Variants in GRIK3 observed in about 807,000 individuals in gnomAD.
GRIK3 encodes glutamate ionotropic receptor kainate type subunit 3, also known as glutamate receptor ionotropic, kainate 3.
In GRIK3, 29 loss-of-function variants were observed where a neutral mutation model predicts 102.5. The ratio of observed to expected loss-of-function variants is 0.28; its 90% confidence interval spans 0.21 to 0.39. The LOEUF (loss-of-function observed/expected upper bound fraction) is 0.39. Ranked by LOEUF, GRIK3 falls within the 10% of genes least tolerant of loss-of-function variation. The probability of loss-of-function intolerance (pLI) is 1.00; values close to 1 mark genes in which losing one functional copy is unlikely to be tolerated. For synonymous variants in GRIK3, 511 were observed against 504.9 expected (o/e 1.01, Z -0.16); for missense variants, 908 against 1,252.4 (o/e 0.73, Z 4.15).
In GRIK3 at chr1:36,865,131, A is replaced by G. The variant is rs192687683; in HGVS notation, c.786+4617T>C. 2.8e-3 allele frequency among the ~76,000 whole-genome samples: 433 copies of G among 152,358 alleles called. 3 individuals carry two copies. The highest frequency in any genetic ancestry group is 0.01 in the African/African-American group (418 of 41,582). ...TCCCCATGATATCACTGTTATTGCCAGGAAGTGGCATTAATTGTGATTGCT... is the reference window on the plus strand; with the variant it reads ...TCCCCATGATATCACTGTTATTGCCGGGAAGTGGCATTAATTGTGATTGCT... On this transcript the variant is annotated intron_variant, in intron 5 of 15. Coordinates refer to ENST00000373091, the MANE Select transcript of GRIK3 (RefSeq NM_000831.4).
chr1:37,023,738 T>G (rs1352256208), intron 1 of GRIK3, among the ~76,000 whole-genome samples: 1 of 152,204 alleles, frequency 6.6e-6, no homozygotes, highest in Non-Finnish European at 1.5e-5. Flanking sequence ...GCTTCACTAT[T>G]CAGAACAGTG....
intron 7 of GRIK3, among the ~76,000 whole-genome samples, chr1:36,855,883 A>T (rs901776285): frequency 6.6e-5 from 10 of 152,226 alleles, no homozygotes; most frequent in African/African-American, 2.4e-4. Context: ...GGGCATCAGC[A>T]TTGCCCCCAT....
chr1:37,030,553 C>CA (rs557792873), intron 1 of GRIK3, among the ~76,000 whole-genome samples: 2 of 136,316 alleles, frequency 1.5e-5, no homozygotes, highest in African/African-American at 5.7e-5. Context: ...CCCCCTCCCC[C>CA]CCCCCAACAC....
At chr1:36,923,313 G>T (rs1641493807) in intron 1 of GRIK3, among the ~76,000 whole-genome samples, 1 of 152,214 alleles carries the variant, frequency 6.6e-6, no homozygotes, top group South Asian at 2.1e-4. Flanking sequence ...AGCAGCAGGG[G>T]GTAGAGGGGT....
rs770262585 is a variant in GRIK3, at chr1:36,880,761, C to T, written c.423G>A (p.Pro141=). Residue 141 remains proline, a synonymous_variant, in exon 3 of 16, where the codon CCG becomes CCA. Coordinates refer to ENST00000373091, the MANE Select transcript of GRIK3 (RefSeq NM_000831.4). The surrounding 1 kb of genome is among the most constrained non-coding windows in gnomAD (Gnocchi z 5.4). ...PHIQLRWKHH[P]LDNKDTFYVN... Reference sequence around the variant, plus strand: ...CGTAGAAGGTGTCCTTGTTGTCCAGCGGGTGGTGCTTCCAACGCAGCTGGA... The same window carrying T: ...CGTAGAAGGTGTCCTTGTTGTCCAGTGGGTGGTGCTTCCAACGCAGCTGGA... 37 of 1,614,118 alleles carry T rather than the reference C, an allele frequency of 2.3e-5. 1 individual carries two copies. Among genetic ancestry groups the T allele is most frequent in the Admixed American group, 1.3e-4 (8 of 60,022 alleles).
intron 1 of GRIK3, among the ~76,000 whole-genome samples, chr1:36,996,358 A>G (rs1642419777): frequency 2.6e-5 from 4 of 152,202 alleles, no homozygotes; most frequent in Admixed American, 2.6e-4. Flanking sequence ...AGCTCATTCT[A>G]AGACTCTTAC....
intron 13 of GRIK3, among the ~76,000 whole-genome samples, chr1:36,813,015 G>T (rs1472952490): frequency 2.0e-5 from 3 of 152,220 alleles, no homozygotes; most frequent in Non-Finnish European, 4.4e-5. Context: ...GTGCAGGGCT[G>T]GGTATGTGGT....
chr1:36,807,905 C>A (rs1368178765), intron 13 of GRIK3, among the ~76,000 whole-genome samples: 1 of 152,224 alleles, frequency 6.6e-6, no homozygotes, highest in Non-Finnish European at 1.5e-5. Context: ...CAGATGCCTG[C>A]AGCTCTCACT....
intron 1 of GRIK3, among the ~76,000 whole-genome samples, chr1:36,918,674 C>G (rs1336266649): frequency 1.3e-5 from 2 of 152,140 alleles, no homozygotes; most frequent in African/African-American, 4.8e-5. Context: ...CCAGACAATG[C>G]CAGTTGGTTT....
At chr1:37,003,228 T>C (rs548302850) in intron 1 of GRIK3, among the ~76,000 whole-genome samples, 1 of 152,302 alleles carries the variant, frequency 6.6e-6, no homozygotes, top group South Asian at 2.1e-4. Flanking sequence ...TTTTTCCTAG[T>C]ATTAAATTAT....
chr1:36,865,382 T>A (rs755724949), intron 5 of GRIK3, among the ~76,000 whole-genome samples: 1 of 152,130 alleles, frequency 6.6e-6, no homozygotes, highest in Non-Finnish European at 1.5e-5. Flanking sequence ...GTGGGTTTCC[T>A]AAAGGGAAGG....
At chr1:36,977,469 T>C (rs567148342) in intron 1 of GRIK3, among the ~76,000 whole-genome samples, 17 of 152,362 alleles carry the variant, frequency 1.1e-4, no homozygotes, top group Admixed American at 3.3e-4. Flanking sequence ...AAACAGCAGC[T>C]TGAGCTTGGC....
intron 1 of GRIK3, among the ~76,000 whole-genome samples, chr1:36,955,308 G>C (rs1641893107): frequency 6.6e-6 from 1 of 152,168 alleles, no homozygotes; most frequent in African/African-American, 2.4e-5. Context: ...GGGGTACAGG[G>C]GCTGGGCCTG....
At chr1:36,916,939 A>G (rs1022725207) in intron 1 of GRIK3, among the ~76,000 whole-genome samples, 1 of 152,210 alleles carries the variant, frequency 6.6e-6, no homozygotes, top group Admixed American at 6.5e-5. Context: ...CCAGAATGGT[A>G]GATCCACTGA....
Position 36,872,134 on chromosome 1 carries a change from G to T in GRIK3, c.732+54C>A, listed in dbSNP as rs900013950. 6.8e-7 allele frequency: 1 copy of T among 1,473,982 alleles called. No homozygotes were observed. The highest frequency in any genetic ancestry group is 9.1e-7 in the Non-Finnish European group (1 of 1,093,210). The allele number at this position is 1,473,982 out of a possible 1,614,324, so 91.3% of individuals were successfully genotyped here. ...ACCCACATTTGGGAAGGGGACGTGG[G>T]AGAAGTGGCCAGCAGACCCCAGTCA... On this transcript the variant is annotated intron_variant, in intron 4 of 15. Coordinates refer to ENST00000373091, the MANE Select transcript of GRIK3 (RefSeq NM_000831.4). This position sits in a 1 kb window ranked among gnomAD's most constrained non-coding sequence, Gnocchi z 5.9.
At chr1:36,917,131 A>C (rs1234538976) in intron 1 of GRIK3, among the ~76,000 whole-genome samples, 4 of 152,118 alleles carry the variant, frequency 2.6e-5, no homozygotes, top group African/African-American at 9.7e-5. Context: ...ATCATTTTGG[A>C]GCTTTAAGAT....
intron 9 of GRIK3, among the ~76,000 whole-genome samples, chr1:36,843,408 T>C (rs1640483756): frequency 6.6e-6 from 1 of 152,164 alleles, no homozygotes; most frequent in African/African-American, 2.4e-5. Context: ...TAAGCCTCAC[T>C]AGCTTGCAAG....
chr1:36,967,618 C>T lies in GRIK3; in HGVS notation c.115+66376G>A, dbSNP rs1642094353. 2.0e-5 allele frequency among the ~76,000 whole-genome samples: 3 copies of T among 152,178 alleles called. No homozygotes were observed. The South Asian group carries it at 6.2e-4, about 31-fold the overall frequency. On this transcript the variant is annotated intron_variant, in intron 1 of 15. Coordinates refer to ENST00000373091, the MANE Select transcript of GRIK3 (RefSeq NM_000831.4). ...GGTAGGAAATCCAGCTTGACAGACA[C>T]AGAGTGATGTGGACAAAGGGTGGGG...
At chr1:36,953,984 C>T (rs753443224) in intron 1 of GRIK3, among the ~76,000 whole-genome samples, 17 of 152,192 alleles carry the variant, frequency 1.1e-4, no homozygotes, top group Non-Finnish European at 2.4e-4. Context: ...AGTCAGACTG[C>T]CCTTGGCCTC....
Sources: allele counts gnomAD v4.1 joint callset (sites outside exome capture counted in the v4.1 genomes callset), GRCh38; gene constraint gnomAD v4.1.1; non-coding constraint Gnocchi (gnomAD v3.1); transcripts MANE v1.5; gene names NCBI Gene and HGNC (gene_info 2026-07-23, HGNC 2026-07-21).